LRRFIP2: variants seen among roughly 807,000 people sequenced by gnomAD.
The protein encoded by LRRFIP2 is leucine-rich repeat flightless-interacting protein 2.
In LRRFIP2, 109 loss-of-function variants were observed where a neutral mutation model predicts 125.9. The ratio of observed to expected loss-of-function variants is 0.87; its 90% CI spans 0.74 to 1.01. The LOEUF is 1.01. Ranked by LOEUF, LRRFIP2 falls within the 50% of genes least tolerant of loss-of-function variation. The probability of loss-of-function intolerance (pLI) is 0.00; values close to 1 mark genes in which losing one functional copy is unlikely to be tolerated. For synonymous variants in LRRFIP2, 291 were observed against 293.1 expected, an observed-to-expected ratio of 0.99 and a Z score of 0.07; for missense variants, 850 against 862.3, an observed-to-expected ratio of 0.99 and a Z score of 0.18.
chr3:37,053,853 A>C lies in LRRFIP2; in HGVS notation c.2164T>G (p.Ter722GluextTer47). The change falls in exon 28 of 28, where the codon TAG becomes GAG. Residue 722 changes from the stop codon to glutamate, a stop_lost. Coordinates refer to ENST00000336686, the MANE Select transcript of LRRFIP2 (RefSeq NM_006309.4). ...ANRTALLAQQ[*>E] Reference sequence around the variant, plus strand: ...ACCCAGGTTGAAGGGTGGTTTTCCTACTGCTGGGCCAGAAGTGCTGTCCTA... The same window carrying C: ...ACCCAGGTTGAAGGGTGGTTTTCCTCCTGCTGGGCCAGAAGTGCTGTCCTA... The C allele has an allele frequency of 6.2e-7, 1 of 1,612,400 alleles. No homozygotes were observed. The highest frequency in any genetic ancestry group is 8.5e-7 in the Non-Finnish European group (1 of 1,178,404).
At chr3:37,123,577 G>C in intron 4 of LRRFIP2, among the ~76,000 whole-genome samples, 1 of 152,178 alleles carries the variant, frequency 6.6e-6, no homozygotes, top group Non-Finnish European at 1.5e-5. Context: ...AACCACGAAA[G>C]TTTTGGGGGC....
chr3:37,161,324 C>T (rs997613325), intron 1 of LRRFIP2, among the ~76,000 whole-genome samples: 82 of 151,880 alleles, frequency 5.4e-4, no homozygotes, highest in African/African-American at 1.8e-3. Context: ...CACTGCACTC[C>T]GTCCAGCCTG....
At chr3:37,084,959 CTTACAT>C (rs2092936420) in intron 18 of LRRFIP2, among the ~76,000 whole-genome samples, 1 of 152,116 alleles carries the variant, frequency 6.6e-6, no homozygotes, top group East Asian at 1.9e-4. Context: ...CAGCCCAGAA[CTTACAT>C]TTACAATCAG....
At chr3:37,114,947 A>C in intron 7 of LRRFIP2, 107 bp downstream of exon 7, 1 of 886,194 alleles carries the variant, frequency 1.1e-6, no homozygotes, top group South Asian at 1.6e-5. Flanking sequence ...CATTTTCCCC[A>C]AAAGTTCATA....
chr3:37,121,826 A>T, intron 4 of LRRFIP2, 135 bp from the exon 5 acceptor site: 1 of 683,862 alleles, frequency 1.5e-6, no homozygotes, highest in Non-Finnish European at 2.5e-6. Flanking sequence ...AACTTATCTT[A>T]GGGGCAGCCA....
intron 2 of LRRFIP2, among the ~76,000 whole-genome samples, chr3:37,133,332 A>G (rs552051954): frequency 3.3e-5 from 5 of 152,346 alleles, no homozygotes; most frequent in African/African-American, 1.2e-4. Context: ...GAAAGCAGAG[A>G]CAACATATAT....
intron 1 of LRRFIP2, among the ~76,000 whole-genome samples, chr3:37,157,808 T>A (rs1476599585): frequency 6.6e-6 from 1 of 152,168 alleles, no homozygotes; most frequent in African/African-American, 2.4e-5. Flanking sequence ...TTAGAAACTA[T>A]AATGGTTAAC....
chr3:37,074,975 C>A (rs763223824), intron 20 of LRRFIP2, 49 bp downstream of exon 20: 1 of 1,254,370 alleles, frequency 8.0e-7, no homozygotes, highest in South Asian at 1.2e-5. Context: ...TCATCCCATT[C>A]AACTCATTTT....
At chr3:37,066,606 A>C (rs1485468142) in intron 21 of LRRFIP2, 4 of 289,072 alleles carry the variant, frequency 1.4e-5, no homozygotes, top group Non-Finnish European at 2.7e-5. Context: ...CCAGTCAATG[A>C]AAAAAATAAA....
chr3:37,063,713 A>T (rs918244069), intron 24 of LRRFIP2, 29 bp downstream of exon 24: 2 of 1,562,058 alleles, frequency 1.3e-6, no homozygotes, highest in Non-Finnish European at 1.8e-6. Context: ...TGTTAAAATT[A>T]TATTACACTC....
rs1205800134 is a variant in LRRFIP2 at position 37,066,247 on chromosome 3, G to A, written c.1543C>T (p.Gln515Ter). The stretch of plus-strand genomic sequence containing the variant: ...ACCTCTCCCGTCTTCACTGTCTCCT[G>A]CAGGTCAGCCAGCTCCTCTCTGAGC... Reference protein sequence around the residue: ...DMLREELADLQETVKTGEKHG... With the variant: ...DMLREELADL The change falls in exon 22 of 28, where the codon CAG (glutamine) becomes TAG (stop). Residue 515 changes from glutamine to a stop codon, truncating the protein, a stop_gained. Transcript: ENST00000336686. LOFTEE classifies it high-confidence loss of function. 2 of 1,613,930 alleles carry A rather than the reference G, an allele frequency of 1.2e-6. No homozygotes were observed. The highest frequency in any genetic ancestry group is 4.5e-5 in the East Asian group (2 of 44,892).
intron 13 of LRRFIP2, among the ~76,000 whole-genome samples, chr3:37,107,261 A>C (rs1297574108): frequency 2.6e-5 from 4 of 152,328 alleles, no homozygotes; most frequent in African/African-American, 9.6e-5. Context: ...ATTAAAAAGA[A>C]TGTGCTAATA....
chr3:37,080,100 TA>T (rs906069719), intron 19 of LRRFIP2, among the ~76,000 whole-genome samples: 4 of 152,144 alleles, frequency 2.6e-5, no homozygotes, highest in Non-Finnish European at 4.4e-5. Flanking sequence ...TAAAGCTGCT[TA>T]AAAATAACAT....
At position 37,096,638 on chromosome 3, in the gene LRRFIP2, T is replaced by C; in HGVS notation, c.896A>G (p.Gln299Arg). The change falls in exon 16 of 28, where the codon CAG (glutamine) becomes CGG (arginine). Residue 299 changes from glutamine (Q) to arginine (R), a missense_variant. Gln to Arg is a conservative substitution (Grantham distance 43). Transcript: ENST00000336686. ...LSSLDEKSDK[Q>R]YAENYTRPSS... is the part of the protein sequence containing the mutation. ...CACTCTTGTATAATTTTCAGCATACTGTTTGTCAGATTTTTCATCCAACTA... is the reference window on the plus strand; with the variant it reads ...CACTCTTGTATAATTTTCAGCATACCGTTTGTCAGATTTTTCATCCAACTA... 6.4e-7 allele frequency: 1 copy of C among 1,570,464 alleles called. No homozygotes were observed. Among genetic ancestry groups the C allele is most frequent in the Non-Finnish European group, 8.7e-7 (1 of 1,148,496 alleles).
At chr3:37,117,045 C>T (rs748873315) in intron 6 of LRRFIP2, among the ~76,000 whole-genome samples, 3 of 151,298 alleles carry the variant, frequency 2.0e-5, no homozygotes, top group Non-Finnish European at 4.4e-5. Context: ...ATGTCACTTA[C>T]CATGGAGAGA....
chr3:37,058,658 GA>G, intron 25 of LRRFIP2, 131 bp downstream of exon 25: 1 of 905,976 alleles, frequency 1.1e-6, no homozygotes, highest in East Asian at 2.5e-5. Context: ...CTGGGTGACA[GA>G]GTGAGACTCC....
intron 6 of LRRFIP2, among the ~76,000 whole-genome samples, chr3:37,116,625 T>C (rs1043725450): frequency 2.0e-5 from 3 of 152,114 alleles, no homozygotes; most frequent in Non-Finnish European, 2.9e-5. Context: ...GTATTTCTTG[T>C]TGTAGAGATC....
chr3:37,087,261 T>G (rs972097584), intron 18 of LRRFIP2, among the ~76,000 whole-genome samples: 4 of 152,198 alleles, frequency 2.6e-5, no homozygotes, highest in African/African-American at 9.7e-5. Context: ...AAGTCAATTA[T>G]ACAGTGCTCT....
At chr3:37,169,015 G>A (rs1233362298) in intron 1 of LRRFIP2, among the ~76,000 whole-genome samples, 2 of 152,096 alleles carry the variant, frequency 1.3e-5, no homozygotes, top group Non-Finnish European at 2.9e-5. Context: ...TTACCACTGT[G>A]TTATAATTGT....
Sources: gnomAD v4.1 joint callset for allele counts (sites outside exome capture counted in the v4.1 genomes callset) on GRCh38, gnomAD v4.1.1 for gene constraint, MANE v1.5 for transcripts, NCBI Gene and HGNC (gene_info 2026-07-23, HGNC 2026-07-21) for gene names.